Variants in OR2H2 observed in about 807,000 individuals in gnomAD.
The protein encoded by OR2H2 is olfactory receptor 2H2.
For missense variants in OR2H2, 295 were observed against 313.7 expected, an observed-to-expected ratio of 0.94 and a Z score of 0.45; for synonymous variants, 146 against 132.4, an observed-to-expected ratio of 1.10 and a Z score of -0.71.
Position 29,588,607 on chromosome 6 carries a change from G to A in OR2H2, c.663G>A (p.Trp221Ter). 8.5e-7 allele frequency: 1 copy of A among 1,176,574 alleles called. No homozygotes were observed. Among genetic ancestry groups the A allele is most frequent in the Non-Finnish European group, 1.3e-6 (1 of 781,628 alleles). The allele number at this position is 1,176,574 out of a possible 1,614,324, so 72.9% of individuals were successfully genotyped here. A position where few individuals can be genotyped will look rare whatever the true frequency, so the allele number is the denominator to read the frequency against. The change falls in exon 2 of 2, where the codon TGG becomes TGA. Residue 221 changes from tryptophan to a stop codon, truncating the protein, a stop_gained. Coordinates refer to ENST00000641840, the MANE Select transcript of OR2H2 (RefSeq NM_007160.4). LOFTEE classifies it low-confidence loss of function (END_TRUNC). ...LILVSYGAIT[W>*]AVLRINSAKG... Reference sequence around the variant, plus strand: ...TTGTCTCTTACGGAGCCATTACCTGGGCAGTGCTGAGGATTAACTCTGCAA... The same window carrying A: ...TTGTCTCTTACGGAGCCATTACCTGAGCAGTGCTGAGGATTAACTCTGCAA...
intron 1 of OR2H2, among the ~76,000 whole-genome samples, chr6:29,585,753 T>C (rs1444324009): frequency 6.6e-6 from 1 of 152,008 alleles, no homozygotes; most frequent in East Asian, 1.9e-4. Flanking sequence ...GCATGAATAT[T>C]TCAGAAGGAA....
rs147023039 is a variant in OR2H2, at chr6:29,588,710, G to C, written c.766G>C (p.Val256Leu). Residue 256 changes from valine to leucine, a missense_variant, in exon 2 of 2, where the codon GTC (valine) becomes CTC (leucine). Coordinates refer to ENST00000641840, the MANE Select transcript of OR2H2 (RefSeq NM_007160.4). ...VTLFYSSVIA[V>L]YLQPKNPYAQ... ...CCTCTTCTACAGCTCAGTCATTGCT[G>C]TCTACCTCCAGCCCAAAAATCCCTA... is the stretch of plus-strand genomic sequence containing the variant. 2.0e-6 allele frequency: 3 copies of C among 1,502,956 alleles called. No homozygotes were observed. The highest frequency in any genetic ancestry group is 2.8e-6 in the Non-Finnish European group (3 of 1,080,742). The allele number at this position is 1,502,956 out of a possible 1,614,324, so 93.1% of individuals were successfully genotyped here.
Position 29,589,020 on chromosome 6 carries a change from T to A in OR2H2, c.*137T>A. 3.2e-6 allele frequency: 2 copies of A among 622,242 alleles called. No homozygotes were observed. Among genetic ancestry groups the A allele is most frequent in the South Asian group, 4.0e-5 (2 of 50,358 alleles). The allele number at this position is 622,242 out of a possible 1,614,324, so 38.5% of individuals were successfully genotyped here. A position where few individuals can be genotyped will look rare whatever the true frequency, so the allele number is the denominator to read the frequency against. ...GATGAAAGCCACATGTCTGTGTGTG[T>A]GCATGTATGTGTGCAAGAGACAGCG... On this transcript the variant is annotated 3_prime_UTR_variant, in exon 2 of 2. Coordinates refer to ENST00000641840, the MANE Select transcript of OR2H2 (RefSeq NM_007160.4).
chr6:29,588,965 C>T lies in OR2H2; in HGVS notation c.*82C>T, dbSNP rs1760496150. On this transcript the variant is annotated 3_prime_UTR_variant, in exon 2 of 2. Coordinates refer to ENST00000641840, the MANE Select transcript of OR2H2 (RefSeq NM_007160.4). ...AAGTTTGAGTTCCCTGCCCCTCTGC[C>T]TTCTTCACACCCATTACATTGTGGG... 4.4e-6 allele frequency: 3 copies of T among 677,928 alleles called. No individual in the cohort carries two copies. Among genetic ancestry groups the T allele is most frequent in the Non-Finnish European group, 8.2e-6 (3 of 367,316 alleles). 42.0% of individuals were successfully genotyped at this position (677,928 alleles called of 1,614,324 possible). A position where few individuals can be genotyped will look rare whatever the true frequency, so the allele number is the denominator to read the frequency against.
In OR2H2 at chr6:29,588,171, T is replaced by C; in HGVS notation, c.227T>C (p.Val76Ala). 1.0e-5 allele frequency: 14 copies of C among 1,362,534 alleles called. No individual in the cohort carries two copies. Among genetic ancestry groups the C allele is most frequent in the Non-Finnish European group, 1.4e-5 (13 of 951,354 alleles). 84.4% of individuals were successfully genotyped at this position (1,362,534 alleles called of 1,614,324 possible). ...GACCTCTGTTTCACCACGAGTTGTG[T>C]TCCCCAAATGCTGGTCAACCTCTGG... ...FLDLCFTTSC[V>A]PQMLVNLWGP... Residue 76 changes from valine to alanine, a missense_variant, in exon 2 of 2, where the codon GTT becomes GCT. Transcript: ENST00000641840.
At position 29,588,714 on chromosome 6, in the gene OR2H2, A is replaced by C. The variant is rs775268392; in HGVS notation, c.770A>C (p.Tyr257Ser). ...TLFYSSVIAVYLQPKNPYAQE... is the reference protein window; with the variant it reads ...TLFYSSVIAVSLQPKNPYAQE... ...TTCTACAGCTCAGTCATTGCTGTCT[A>C]CCTCCAGCCCAAAAATCCCTATGCC... The change falls in exon 2 of 2, where the codon TAC becomes TCC. Residue 257 changes from tyrosine to serine, a missense_variant. Physicochemically the swap from Tyr to Ser is moderately radical, Grantham distance 144. Transcript: ENST00000641840. 241 of 1,497,248 alleles carry C rather than the reference A, an allele frequency of 1.6e-4. No individual in the cohort carries two copies. The highest frequency in any genetic ancestry group is 2.1e-4 in the Non-Finnish European group (229 of 1,075,716). 92.7% of individuals were successfully genotyped at this position (1,497,248 alleles called of 1,614,324 possible). A position where few individuals can be genotyped will look rare whatever the true frequency, so the allele number is the denominator to read the frequency against.
rs908925617 is a variant in OR2H2 at position 29,589,024 on chromosome 6, T to G, written c.*141T>G. 1.6e-6 allele frequency: 1 copy of G among 621,936 alleles called. No individual in the cohort carries two copies. The highest frequency in any genetic ancestry group is 1.8e-5 in the African/African-American group (1 of 54,110). 38.5% of individuals were successfully genotyped at this position (621,936 alleles called of 1,614,324 possible). On this transcript the variant is annotated 3_prime_UTR_variant, in exon 2 of 2. Transcript: ENST00000641840. ...AAAGCCACATGTCTGTGTGTGTGCA[T>G]GTATGTGTGCAAGAGACAGCGACTG...
At position 29,588,406 on chromosome 6, in the gene OR2H2, A is replaced by G; in HGVS notation, c.462A>G (p.Ser154=). ...SVAWVIGLVE[S]VVQTPSTLHL... ...CCTGGGTCATTGGGCTAGTGGAGTC[A>G]GTGGTCCAGACACCATCCACCCTGC... The change falls in exon 2 of 2, where the codon TCA becomes TCG. Residue 154 remains serine, a synonymous_variant. Transcript: ENST00000641840. 1 of 1,587,354 alleles carries G rather than the reference A, an allele frequency of 6.3e-7. No individual in the cohort carries two copies. The highest frequency in any genetic ancestry group is 8.6e-7 in the Non-Finnish European group (1 of 1,156,700).
rs1760491402 is a variant in OR2H2, at chr6:29,588,902, G to GC, written c.*20dup. On this transcript the variant is annotated 3_prime_UTR_variant, in exon 2 of 2. Coordinates refer to ENST00000641840, the MANE Select transcript of OR2H2 (RefSeq NM_007160.4). ...AAGCTGAGGGAGAGCTGCTTAATGT[G>GC]CTTTAAAAGAGAGGAGATTCTATGT... 1.3e-6 allele frequency: 1 copy of GC among 777,332 alleles called. No homozygotes were observed. The highest frequency in any genetic ancestry group is 2.4e-6 in the Non-Finnish European group (1 of 418,552). The allele number at this position is 777,332 out of a possible 1,614,324, so 48.2% of individuals were successfully genotyped here.
chr6:29,589,202 T>C lies in OR2H2; in HGVS notation c.*319T>C. 3.1e-6 allele frequency: 1 copy of C among 326,004 alleles called. No individual in the cohort carries two copies. Among genetic ancestry groups the C allele is most frequent in the Non-Finnish European group, 5.6e-6 (1 of 177,596 alleles). The allele number at this position is 326,004 out of a possible 1,614,324, so 20.2% of individuals were successfully genotyped here. A position where few individuals can be genotyped will look rare whatever the true frequency, so the allele number is the denominator to read the frequency against. On this transcript the variant is annotated 3_prime_UTR_variant, in exon 2 of 2. Coordinates refer to ENST00000641840, the MANE Select transcript of OR2H2 (RefSeq NM_007160.4). ...CCCCTCCCTTGCCATATCCCCACTA[T>C]TCCTTCACCTCCAATTCTAATTCCT...
chr6:29,586,202 A>T (rs1373833989), intron 1 of OR2H2, among the ~76,000 whole-genome samples: 1 of 152,202 alleles, frequency 6.6e-6, no homozygotes, highest in Non-Finnish European at 1.5e-5. Flanking sequence ...ATAATTAAAA[A>T]TTTAGAGGCC....
chr6:29,588,047 C>A lies in OR2H2; in HGVS notation c.103C>A (p.Leu35Ile). The change falls in exon 2 of 2, where the codon CTA becomes ATA. Residue 35 changes from leucine to isoleucine, a missense_variant. Coordinates refer to ENST00000641840, the MANE Select transcript of OR2H2 (RefSeq NM_007160.4). ...CGTGGTTGTCCTCACTTCCTACCTC[C>A]TAACCCTAGTGGGCAACACACTCAT... ...LFVVVLTSYL[L>I]TLVGNTLIIL... The A allele has an allele frequency of 2.0e-6, 2 of 976,212 alleles. No homozygotes were observed. Among genetic ancestry groups the A allele is most frequent in the Non-Finnish European group, 3.4e-6 (2 of 595,984 alleles). 60.5% of individuals were successfully genotyped at this position (976,212 alleles called of 1,614,324 possible).
At chr6:29,587,430 T>G (rs562360483) in intron 1 of OR2H2, 1 of 153,110 alleles carries the variant, frequency 6.5e-6, no homozygotes, top group East Asian at 1.9e-4. Flanking sequence ...AATGAAAAAA[T>G]ACAAAATAAA....
chr6:29,588,946 G>T lies in OR2H2; in HGVS notation c.*63G>T. 1 of 717,374 alleles carries T rather than the reference G, an allele frequency of 1.4e-6. No homozygotes were observed. Among genetic ancestry groups the T allele is most frequent in the Non-Finnish European group, 2.6e-6 (1 of 387,572 alleles). The allele number at this position is 717,374 out of a possible 1,614,324, so 44.4% of individuals were successfully genotyped here. A position where few individuals can be genotyped will look rare whatever the true frequency, so the allele number is the denominator to read the frequency against. Reference sequence around the variant, plus strand: ...TCTATGTGCTTTTATCAGAAAGTTTGAGTTCCCTGCCCCTCTGCCTTCTTC... The same window carrying T: ...TCTATGTGCTTTTATCAGAAAGTTTTAGTTCCCTGCCCCTCTGCCTTCTTC... On this transcript the variant is annotated 3_prime_UTR_variant, in exon 2 of 2. Transcript: ENST00000641840.
rs762443204 is a variant in OR2H2, at chr6:29,588,461, G to A, written c.517G>A (p.Asp173Asn). The change falls in exon 2 of 2, where the codon GAT (aspartate) becomes AAT (asparagine). Residue 173 changes from aspartate to asparagine, a missense_variant. Transcript: ENST00000641840. ...GCCCTTCTGCCCCGATCGGCAGGTG[G>A]ATGATTTTGTCTGTGAGGTCCCAGC... ...HLPFCPDRQV[D>N]DFVCEVPALI... The A allele has an allele frequency of 7.8e-7, 1 of 1,282,852 alleles. No homozygotes were observed. Among genetic ancestry groups the A allele is most frequent in the Admixed American group, 1.7e-5 (1 of 59,624 alleles). The allele number at this position is 1,282,852 out of a possible 1,614,324, so 79.5% of individuals were successfully genotyped here. A position where few individuals can be genotyped will look rare whatever the true frequency, so the allele number is the denominator to read the frequency against.
At chr6:29,586,888 C>A (rs1269377750) in intron 1 of OR2H2, among the ~76,000 whole-genome samples, 1 of 152,238 alleles carries the variant, frequency 6.6e-6, no homozygotes, top group African/African-American at 2.4e-5. Context: ...GACCCTGAGT[C>A]CTTGTCTCTG....
chr6:29,586,485 TAAAAA>T (rs771489542), intron 1 of OR2H2, among the ~76,000 whole-genome samples: 6 of 82,432 alleles, frequency 7.3e-5, no homozygotes, highest in African/African-American at 1.4e-4. Context: ...AACGTGACTC[TAAAAA>T]AAAAAAAAAA....
intron 1 of OR2H2, among the ~76,000 whole-genome samples, chr6:29,586,278 G>T (rs192833021): frequency 1.1e-4 from 17 of 152,196 alleles, no homozygotes; most frequent in African/African-American, 4.1e-4. Context: ...ATCACCTGAG[G>T]TCAGGAGTCT....
Position 29,589,978 on chromosome 6 carries a change from G to A in OR2H2, c.*1095G>A, listed in dbSNP as rs1351986218. On this transcript the variant is annotated 3_prime_UTR_variant, in exon 2 of 2. Transcript: ENST00000641840. ...AATACAAAGTCTATTTTATAATAAA[G>A]TTTTGAATATCTCATGTAATTTACT... 1 of 152,084 alleles carries A rather than the reference G, an allele frequency of 6.6e-6. No individual in the cohort carries two copies. Among genetic ancestry groups the A allele is most frequent in the East Asian group, 1.9e-4 (1 of 5,202 alleles). The allele number at this position is 152,084 out of a possible 1,614,324, so 9.4% of individuals were successfully genotyped here.
Sources: gnomAD v4.1 joint callset for allele counts (sites outside exome capture counted in the v4.1 genomes callset) on GRCh38, gnomAD v4.1.1 for gene constraint, MANE v1.5 for transcripts, NCBI Gene and HGNC (gene_info 2026-07-23, HGNC 2026-07-21) for gene names.